Variants in FAM114A1 observed in about 807,000 individuals in gnomAD.
FAM114A1 encodes the protein family with sequence similarity 114 member A1.
In FAM114A1, 62 loss-of-function variants were observed where a neutral mutation model predicts 64.3. That is an observed-to-expected ratio of 0.96 (90% CI 0.79 to 1.19). The LOEUF (loss-of-function observed/expected upper bound fraction) is 1.19. Ranked by LOEUF, FAM114A1 falls within the 50% of genes most tolerant of loss-of-function variation. FAM114A1 has a pLI of 0.00. For synonymous variants in FAM114A1, 254 were observed against 251.1 expected (o/e 1.01, Z -0.11); for missense variants, 645 against 676.3 (o/e 0.95, Z 0.51).
At chr4:38,894,838 T>A (rs1716759568) in intron 4 of FAM114A1, among the ~76,000 whole-genome samples, 1 of 152,176 alleles carries the variant, frequency 6.6e-6, no homozygotes, top group South Asian at 2.1e-4. Context: ...GAAAACAACA[T>A]GCATTCATTA....
intron 7 of FAM114A1, among the ~76,000 whole-genome samples, chr4:38,909,132 G>A (rs1395048736): frequency 6.6e-6 from 1 of 152,136 alleles, no homozygotes; most frequent in Non-Finnish European, 1.5e-5. Context: ...TCTTGAAGAT[G>A]ATCCATTTAT....
chr4:38,904,594 G>C (rs1717811472), intron 4 of FAM114A1, among the ~76,000 whole-genome samples: 1 of 152,156 alleles, frequency 6.6e-6, no homozygotes, highest in Non-Finnish European at 1.5e-5. Context: ...CGGGGCTGTT[G>C]GGTGGCCTTC....
At chr4:38,878,966 T>C (rs1714945768) in intron 3 of FAM114A1, among the ~76,000 whole-genome samples, 1 of 152,194 alleles carries the variant, frequency 6.6e-6, no homozygotes, top group Admixed American at 6.5e-5. Flanking sequence ...TGTTTTATCA[T>C]CACACATCAC....
At chr4:38,905,400 T>TAAA in intron 4 of FAM114A1, 122 bp from the exon 5 acceptor site, 5 of 600,012 alleles carry the variant, frequency 8.3e-6, no homozygotes, top group Non-Finnish European at 8.4e-6. Flanking sequence ...CTCCATCTTT[T>TAAA]AAAAAAAAAA....
At chr4:38,876,719 G>A (rs1714682639) in intron 2 of FAM114A1, among the ~76,000 whole-genome samples, 1 of 152,220 alleles carries the variant, frequency 6.6e-6, no homozygotes, top group African/African-American at 2.4e-5. Context: ...GAGGTCAGAA[G>A]TCTGAAATCA....
intron 11 of FAM114A1, 144 bp from the exon 12 acceptor site, chr4:38,932,088 TAGA>T: frequency 1.0e-6 from 1 of 954,622 alleles, no homozygotes; most frequent in South Asian, 1.8e-5. Flanking sequence ...CTTAAAGTCT[TAGA>T]TATGCTTGTA....
chr4:38,937,076 GT>G (rs1721173994), intron 13 of FAM114A1, among the ~76,000 whole-genome samples: 1 of 152,120 alleles, frequency 6.6e-6, no homozygotes, highest in African/African-American at 2.4e-5. Flanking sequence ...TCACCTTCCT[GT>G]TTTTTCTCTT....
At chr4:38,887,011 A>ACTC (rs1271758924) in intron 3 of FAM114A1, among the ~76,000 whole-genome samples, 24 of 152,072 alleles carry the variant, frequency 1.6e-4, no homozygotes, top group Non-Finnish European at 2.6e-4. Context: ...AGAGAGTAAA[A>ACTC]CCAACCTAAC....
chr4:38,917,976 G>C (rs1719232217), intron 8 of FAM114A1, among the ~76,000 whole-genome samples: 1 of 152,026 alleles, frequency 6.6e-6, no homozygotes, highest in Non-Finnish European at 1.5e-5. Flanking sequence ...CAACACTTTG[G>C]GAAGCTGAGA....
Position 38,908,613 on chromosome 4 carries a change from G to A in FAM114A1, c.679G>A (p.Gly227Ser). The A allele has an allele frequency of 2.5e-6, 4 of 1,612,544 alleles. No individual in the cohort carries two copies. The highest frequency in any genetic ancestry group is 1.1e-5 in the South Asian group (1 of 90,902). The change falls in exon 7 of 15, where the codon GGC becomes AGC. Residue 227 changes from glycine to serine, a missense_variant. Gly to Ser is a moderately conservative substitution (Grantham distance 56). Coordinates refer to ENST00000358869, the MANE Select transcript of FAM114A1 (RefSeq NM_138389.4). The part of the protein sequence containing the change: ...QNTGKSVLTG[G>S]LDALEFIGKK... ...GCAGGGTAAAAGTGTCTTAACTGGA[G>A]GCCTTGATGCGTTGGAATTCATCGG...
intron 10 of FAM114A1, among the ~76,000 whole-genome samples, chr4:38,929,666 A>G (rs1720470775): frequency 6.6e-6 from 1 of 152,230 alleles, no homozygotes; most frequent in African/African-American, 2.4e-5. Flanking sequence ...AATCCCAGCT[A>G]CTCGGGAGAC....
chr4:38,872,131 G>C (rs144386328), intron 2 of FAM114A1, among the ~76,000 whole-genome samples: 1 of 152,310 alleles, frequency 6.6e-6, no homozygotes, highest in African/African-American at 2.4e-5. Context: ...ACCCTGGAGT[G>C]CCCATCAGAG....
At chr4:38,917,385 C>G (rs1338760988) in intron 8 of FAM114A1, among the ~76,000 whole-genome samples, 1 of 151,012 alleles carries the variant, frequency 6.6e-6, no homozygotes. Context: ...TAATTAAACA[C>G]CATGCAGAAG....
At chr4:38,932,410 G>C (rs376355647) in intron 12 of FAM114A1, 36 bp downstream of exon 12, 18 of 1,557,932 alleles carry the variant, frequency 1.2e-5, no homozygotes, top group African/African-American at 4.2e-5. Context: ...TATTTTCCCA[G>C]TTTTATATAT....
Position 38,935,809 on chromosome 4 carries a change from A to AT in FAM114A1, c.1536+26dup. 6.4e-7 allele frequency: 1 copy of AT among 1,564,802 alleles called. No homozygotes were observed. The highest frequency in any genetic ancestry group is 2.2e-5 in the East Asian group (1 of 44,594). On this transcript the variant is annotated intron_variant, in intron 13 of 14. Coordinates refer to ENST00000358869, the MANE Select transcript of FAM114A1 (RefSeq NM_138389.4). ...TGTTGGGGTAAGATTACAGTCTTGA[A>AT]TTTTTTTCACCTTTTTTAAGGGAAG... is the stretch of plus-strand genomic sequence containing the variant.
chr4:38,922,827 C>G lies in FAM114A1; in HGVS notation c.1003C>G (p.Leu335Val). Residue 335 changes from leucine (L) to valine (V), a missense_variant, in exon 9 of 15, where the codon CTA (leucine) becomes GTA (valine). Transcript: ENST00000358869. ...GAAGCTGGAACTCTTAAAAAATGAC[C>G]TAATTTCCATTAAAGACATCTTTGC... ...GEKLELLKND[L>V]ISIKDIFAAK... The G allele has an allele frequency of 6.2e-7, 1 of 1,613,540 alleles. No individual in the cohort carries two copies.
chr4:38,896,704 C>T (rs1716976442), intron 4 of FAM114A1, among the ~76,000 whole-genome samples: 2 of 152,352 alleles, frequency 1.3e-5, no homozygotes, highest in African/African-American at 2.4e-5. Flanking sequence ...GGCACAATTT[C>T]TGCTATGTAC....
intron 4 of FAM114A1, among the ~76,000 whole-genome samples, chr4:38,892,787 A>T (rs1013960966): frequency 1.3e-5 from 2 of 152,156 alleles, no homozygotes; most frequent in African/African-American, 4.8e-5. Context: ...CTTCACTGTT[A>T]CTCCTAAAAC....
intron 3 of FAM114A1, 83 bp downstream of exon 3, chr4:38,878,509 G>T: frequency 3.1e-6 from 4 of 1,289,216 alleles, no homozygotes; most frequent in Non-Finnish European, 4.3e-6. Context: ...AGCTCTGTGG[G>T]TGGGAATTGG....
Sources: gnomAD v4.1 joint callset for allele counts (sites outside exome capture counted in the v4.1 genomes callset) on GRCh38, gnomAD v4.1.1 for gene constraint, MANE v1.5 for transcripts, NCBI Gene and HGNC (gene_info 2026-07-23, HGNC 2026-07-21) for gene names.